STRAP: variants seen among roughly 807,000 people sequenced by gnomAD.
The protein encoded by STRAP is serine/threonine kinase receptor associated protein, also known as serine-threonine kinase receptor-associated protein.
A neutral mutation model predicts 47.0 loss-of-function variants in STRAP; 16 were observed. That is an observed-to-expected ratio of 0.34 (90% CI 0.23 to 0.52). The LOEUF is 0.52. Among genes scored for constraint, STRAP ranks in the 20% least tolerant of loss-of-function variants. STRAP has a pLI of 0.96. For synonymous variants in STRAP, 130 were observed against 142.7 expected (o/e 0.91, Z 0.63); for missense variants, 293 against 420.0 (o/e 0.70, Z 2.64).
intron 7 of STRAP, among the ~76,000 whole-genome samples, chr12:15,898,564 G>GT (rs1310976838): frequency 1.3e-5 from 2 of 152,050 alleles, no homozygotes; most frequent in African/African-American, 2.4e-5. Flanking sequence ...CTGTTTTGGA[G>GT]TTTGAGTTTT....
rs781230265 is a variant in STRAP at position 15,882,705 on chromosome 12, G to T, written c.-3G>T. On this transcript the variant is annotated 5_prime_UTR_variant, in exon 1 of 10. Transcript: ENST00000419869. Reference sequence around the variant, plus strand: ...CAGTCCGGTCGCTGGCTTCGCCGCCGCCATGGCAATGAGACAGACGCCGCT... The same window carrying T: ...CAGTCCGGTCGCTGGCTTCGCCGCCTCCATGGCAATGAGACAGACGCCGCT... 8.9e-6 allele frequency: 14 copies of T among 1,578,648 alleles called. No homozygotes were observed. The highest frequency in any genetic ancestry group is 2.7e-5 in the African/African-American group (2 of 73,678).
Position 15,889,817 on chromosome 12 carries a change from A to G in STRAP, c.249-111A>G, listed in dbSNP as rs550109498. On this transcript the variant is annotated intron_variant, in intron 2 of 9. Transcript: ENST00000419869. ...AAGGAGATTTATAATACATTTATGT[A>G]ACATTTCACATATCTAACTTATTTG... 8.8e-5 allele frequency: 65 copies of G among 735,922 alleles called. No homozygotes were observed. In the South Asian group the frequency reaches 1.3e-3, roughly 15 times the overall value. 45.6% of individuals were successfully genotyped at this position (735,922 alleles called of 1,614,324 possible).
At chr12:15,898,070 C>T in intron 7 of STRAP, 52 bp downstream of exon 7, 3 of 1,463,292 alleles carry the variant, frequency 2.1e-6, no homozygotes, top group Non-Finnish European at 1.8e-6. Flanking sequence ...TGTTAAGTCC[C>T]AGTAATTAAC....
At chr12:15,883,464 T>C in intron 1 of STRAP, 77 bp from the exon 2 acceptor site, 1 of 1,474,896 alleles carries the variant, frequency 6.8e-7, no homozygotes, top group Non-Finnish European at 9.2e-7. Flanking sequence ...TTGAACATCA[T>C]TGTATATTTA....
At chr12:15,885,444 C>A (rs2136107433) in intron 2 of STRAP, among the ~76,000 whole-genome samples, 1 of 150,646 alleles carries the variant, frequency 6.6e-6, no homozygotes, top group African/African-American at 2.5e-5. Context: ...CCGCCTTGGC[C>A]TCCCAAAGTG....
intron 9 of STRAP, among the ~76,000 whole-genome samples, chr12:15,901,466 G>A (rs1433060585): frequency 2.0e-5 from 3 of 152,252 alleles, no homozygotes; most frequent in African/African-American, 7.2e-5. Context: ...CCAAAAAGGA[G>A]CATAGCATAT....
At chr12:15,900,917 A>T in intron 8 of STRAP, 30 bp from the exon 9 acceptor site, 5 of 1,563,224 alleles carry the variant, frequency 3.2e-6, no homozygotes, top group South Asian at 1.2e-5. Flanking sequence ...AGTGTAAGTC[A>T]TATAATCGTC....
At chr12:15,899,833 A>ATT in intron 7 of STRAP, 71 bp from the exon 8 acceptor site, 52 of 1,174,272 alleles carry the variant, frequency 4.4e-5, no homozygotes, top group East Asian at 1.1e-4. Context: ...CACAGACAGT[A>ATT]TTTTTTTTTT....
At chr12:15,891,040 A>G (rs960254715) in intron 4 of STRAP, among the ~76,000 whole-genome samples, 86 of 152,154 alleles carry the variant, frequency 5.7e-4, no homozygotes, top group African/African-American at 1.9e-3. Context: ...AGCCTGGGCA[A>G]TAAGAGTGAA....
In STRAP at chr12:15,891,944, G is replaced by GA. The variant is rs11339298; in HGVS notation, c.403+1287dup. Among the ~76,000 whole-genome samples, 602 of 138,530 alleles carry GA rather than the reference G, an allele frequency of 4.3e-3. 2 individuals carry two copies. The highest frequency in any genetic ancestry group is 0.038 in the Middle Eastern group (10 of 266). The allele number at this position is 138,530 out of a possible 152,430, so 90.9% of individuals were successfully genotyped here. A position where few individuals can be genotyped will look rare whatever the true frequency, so the allele number is the denominator to read the frequency against. The stretch of plus-strand genomic sequence containing the variant: ...CAAGAGCAAAACTCCTTCTCAAAAA[G>GA]AAAAAAAAAAAATGAATTGTTGGAA... On this transcript the variant is annotated intron_variant, in intron 4 of 9. Coordinates refer to ENST00000419869, the MANE Select transcript of STRAP (RefSeq NM_007178.4).
chr12:15,884,894 C>T (rs1947956039), intron 2 of STRAP, among the ~76,000 whole-genome samples: 1 of 152,200 alleles, frequency 6.6e-6, no homozygotes. Context: ...TGCCATTGCA[C>T]ACCATAAACC....
chr12:15,894,475 A>C lies in STRAP; in HGVS notation c.500+332A>C, dbSNP rs1948044478. Reference sequence around the variant, plus strand: ...CTGTCTCAAAAGAAAAACAAACTTAAAATTTGCAAAATATTTTACCTTAGA... The same window carrying C: ...CTGTCTCAAAAGAAAAACAAACTTACAATTTGCAAAATATTTTACCTTAGA... On this transcript the variant is annotated intron_variant, in intron 5 of 9. Coordinates refer to ENST00000419869, the MANE Select transcript of STRAP (RefSeq NM_007178.4). The surrounding 1 kb of genome is among the most constrained non-coding windows in gnomAD (Gnocchi z 4.9). Among the ~76,000 whole-genome samples the C allele has an allele frequency of 6.6e-6, 1 of 152,206 alleles. No homozygotes were observed. Among genetic ancestry groups the C allele is most frequent in the Non-Finnish European group, 1.5e-5 (1 of 68,036 alleles).
chr12:15,892,658 T>C (rs945655348), intron 4 of STRAP, among the ~76,000 whole-genome samples: 1 of 152,252 alleles, frequency 6.6e-6, no homozygotes, highest in Non-Finnish European at 1.5e-5. Flanking sequence ...TAATTTGTTA[T>C]GAAAACATTT....
rs996404120 is a variant in STRAP at position 15,887,278 on chromosome 12, G to A, written c.249-2650G>A. 1.3e-5 allele frequency among the ~76,000 whole-genome samples: 2 copies of A among 152,160 alleles called. No individual in the cohort carries two copies. The highest frequency in any genetic ancestry group is 6.5e-5 in the Admixed American group (1 of 15,278). On this transcript the variant is annotated intron_variant, in intron 2 of 9. Coordinates refer to ENST00000419869, the MANE Select transcript of STRAP (RefSeq NM_007178.4). This position sits in a 1 kb window ranked among gnomAD's most constrained non-coding sequence, Gnocchi z 5.5. ...ACGGTAAGTTCATTCTGAGGATATG[G>A]AAAGTATCAGGCAGCATTATTATTT...
At chr12:15,891,708 C>G (rs979301576) in intron 4 of STRAP, among the ~76,000 whole-genome samples, 2 of 152,124 alleles carry the variant, frequency 1.3e-5, no homozygotes, top group Non-Finnish European at 2.9e-5. Context: ...TTTGGGAGGC[C>G]AAGGTGAGTG....
At chr12:15,902,878 A>G in intron 9 of STRAP, 39 bp from the exon 10 acceptor site, 1 of 1,462,378 alleles carries the variant, frequency 6.8e-7, no homozygotes, top group Non-Finnish European at 9.0e-7. Context: ...TAAGTTGACT[A>G]ATGTGACTTT....
chr12:15,900,778 G>A, intron 8 of STRAP, 169 bp from the exon 9 acceptor site: 1 of 463,408 alleles, frequency 2.2e-6, no homozygotes. Context: ...TAATTTTAAA[G>A]AAAGACATAC....
At chr12:15,901,061 T>C (rs367705588) in intron 9 of STRAP, 49 bp downstream of exon 9, 547 of 1,411,122 alleles carry the variant, frequency 3.9e-4, no homozygotes, top group Non-Finnish European at 5.1e-4. Flanking sequence ...GGATTTAAAA[T>C]TGAACTGTAA....
Position 15,897,966 on chromosome 12 carries a change from C to A in STRAP, c.723C>A (p.Gly241=), listed in dbSNP as rs759466450. 3.1e-6 allele frequency: 5 copies of A among 1,600,236 alleles called. No individual in the cohort carries two copies. Among genetic ancestry groups the A allele is most frequent in the Non-Finnish European group, 1.7e-6 (2 of 1,174,482 alleles). ...CTGAGAAAGAATTTCTTGTTGCAGG[C>A]GGTGAAGATTTTAAACTTTATAAGT... ...LHPEKEFLVA[G]GEDFKLYKYD... is the part of the protein sequence containing the mutation. Residue 241 remains glycine, a synonymous_variant, in exon 7 of 10, where the codon GGC becomes GGA. Transcript: ENST00000419869.
Sources: gnomAD v4.1 joint callset for allele counts (sites outside exome capture counted in the v4.1 genomes callset) on GRCh38, gnomAD v4.1.1 for gene constraint, Gnocchi (gnomAD v3.1) non-coding constraint, MANE v1.5 for transcripts, NCBI Gene and HGNC (gene_info 2026-07-23, HGNC 2026-07-21) for gene names.